DERA: variants seen among roughly 807,000 people sequenced by gnomAD.
DERA encodes the protein 2-deoxy-D-ribose 5-phosphate aldolase.
Under a neutral mutation model 41.1 loss-of-function variants are expected in DERA, and 15 were observed. That is an observed-to-expected ratio of 0.37 (90% CI 0.24 to 0.56). The LOEUF (loss-of-function observed/expected upper bound fraction) is 0.56. DERA is among the 20% of genes least tolerant of loss of function. DERA has a pLI of 0.81. For missense variants in DERA, 396 were observed against 403.4 expected (o/e 0.98, Z 0.16); for synonymous variants, 139 against 137.4 (o/e 1.01, Z -0.08).
Position 16,037,068 on chromosome 12 carries a change from A to C in DERA, c.*322A>C. 1 of 254,808 alleles carries C rather than the reference A, an allele frequency of 3.9e-6. No individual in the cohort carries two copies. The highest frequency in any genetic ancestry group is 7.4e-6 in the Non-Finnish European group (1 of 135,208). The allele number at this position is 254,808 out of a possible 1,614,324, so 15.8% of individuals were successfully genotyped here. On this transcript the variant is annotated 3_prime_UTR_variant, in exon 9 of 9. Coordinates refer to ENST00000428559, the MANE Select transcript of DERA (RefSeq NM_015954.4). This position sits in a 1 kb window ranked among gnomAD's most constrained non-coding sequence, Gnocchi z 6.7. ...CTAAGGGAGAAAAAAACAATATTAA[A>C]CCGCCCAAGCAGTGTGCCCTAGCAG...
At position 16,014,725 on chromosome 12, in the gene DERA, C is replaced by T. The variant is rs531449130; in HGVS notation, c.638-17817C>T. ...AAGAGGGCAACCGTCCTCCAGACCC[C>T]AGAATGGTAGATCCACCAACAGCTT... is the stretch of plus-strand genomic sequence containing the variant. On this transcript the variant is annotated intron_variant, in intron 6 of 8. Coordinates refer to ENST00000428559, the MANE Select transcript of DERA (RefSeq NM_015954.4). This position sits in a 1 kb window ranked among gnomAD's most constrained non-coding sequence, Gnocchi z 5.4. Among the ~76,000 whole-genome samples, 1 of 152,282 alleles carries T rather than the reference C, an allele frequency of 6.6e-6. No individual in the cohort carries two copies. The highest frequency in any genetic ancestry group is 2.4e-5 in the African/African-American group (1 of 41,570).
At chr12:15,946,689 T>G (rs1246779992) in intron 1 of DERA, among the ~76,000 whole-genome samples, 2 of 152,158 alleles carry the variant, frequency 1.3e-5, no homozygotes, top group Admixed American at 1.3e-4. Context: ...CCTGGATTCA[T>G]TGATTTTTCG....
intron 1 of DERA, among the ~76,000 whole-genome samples, chr12:15,948,496 C>A (rs916523382): frequency 6.6e-6 from 1 of 152,220 alleles, no homozygotes; most frequent in South Asian, 2.1e-4. Context: ...GAATCAGCTA[C>A]TGAAGCTTGT....
chr12:15,920,888 A>G (rs1322714367), intron 1 of DERA, among the ~76,000 whole-genome samples: 1 of 152,190 alleles, frequency 6.6e-6, no homozygotes, highest in Non-Finnish European at 1.5e-5. Context: ...ATGGGGAGAA[A>G]GCCCATGAGT....
At chr12:16,005,359 T>C (rs1948902010) in intron 6 of DERA, among the ~76,000 whole-genome samples, 1 of 152,106 alleles carries the variant, frequency 6.6e-6, no homozygotes, top group South Asian at 2.1e-4. Flanking sequence ...GATGGGAGGA[T>C]TACTTGAGTC....
At position 15,959,259 on chromosome 12, in the gene DERA, A is replaced by G. The variant is rs1364082468; in HGVS notation, c.278-570A>G. Among the ~76,000 whole-genome samples, 1 of 152,058 alleles carries G rather than the reference A, an allele frequency of 6.6e-6. No individual in the cohort carries two copies. The stretch of plus-strand genomic sequence containing the variant: ...TAACAACTTGATGTAAGGTCTTATG[A>G]TATTGCTTTGTTTTATAGTGACTAT... On this transcript the variant is annotated intron_variant, in intron 3 of 8. Transcript: ENST00000428559. The surrounding 1 kb of genome is among the most constrained non-coding windows in gnomAD (Gnocchi z 4.5).
chr12:15,934,291 G>A (rs1486933108), intron 1 of DERA, among the ~76,000 whole-genome samples: 1 of 152,118 alleles, frequency 6.6e-6, no homozygotes, highest in African/African-American at 2.4e-5. Flanking sequence ...TGTGCTGTTA[G>A]AAGTTTTACA....
At position 15,940,476 on chromosome 12, in the gene DERA, C is replaced by T. The variant is rs189226442; in HGVS notation, c.32-16460C>T. 1.4e-4 allele frequency among the ~76,000 whole-genome samples: 22 copies of T among 152,204 alleles called. No homozygotes were observed. Among genetic ancestry groups the T allele is most frequent in the East Asian group, 7.7e-4 (4 of 5,180 alleles). The stretch of plus-strand genomic sequence containing the variant: ...AAACGATTCTTCTGCCTCAGCCTCT[C>T]GAGTAGCTGGGACTACAGGCGCATG... On this transcript the variant is annotated intron_variant, in intron 1 of 8. Coordinates refer to ENST00000428559, the MANE Select transcript of DERA (RefSeq NM_015954.4). The surrounding 1 kb of genome is among the most constrained non-coding windows in gnomAD (Gnocchi z 5.1).
intron 1 of DERA, among the ~76,000 whole-genome samples, chr12:15,948,216 G>A (rs1470266887): frequency 9.2e-5 from 14 of 152,074 alleles, no homozygotes; most frequent in African/African-American, 1.7e-4. Flanking sequence ...TCTTTGTGGC[G>A]TTCTCTGTAT....
intron 6 of DERA, among the ~76,000 whole-genome samples, chr12:16,024,747 A>G (rs572427590): frequency 6.6e-6 from 1 of 152,332 alleles, no homozygotes; most frequent in Admixed American, 6.5e-5. Context: ...GAAAACTTAT[A>G]TAGATCAGAA....
intron 6 of DERA, among the ~76,000 whole-genome samples, chr12:15,991,784 TAGTC>T (rs1948803987): frequency 6.6e-6 from 1 of 152,142 alleles, no homozygotes; most frequent in African/African-American, 2.4e-5. Context: ...ATTAGAATAT[TAGTC>T]AGAAAGATCT....
rs1948778769 is a variant in DERA, at chr12:15,988,287, C to A, written c.637+5851C>A. On this transcript the variant is annotated intron_variant, in intron 6 of 8. Coordinates refer to ENST00000428559, the MANE Select transcript of DERA (RefSeq NM_015954.4). This position sits in a 1 kb window ranked among gnomAD's most constrained non-coding sequence, Gnocchi z 6.0. ...CTTTCAGTCCCGCCATTTGGTGGGT[C>A]CTGAGTTCTTGTCCTGTGTCCAGGA... 6.6e-6 allele frequency among the ~76,000 whole-genome samples: 1 copy of A among 152,142 alleles called. No individual in the cohort carries two copies. The highest frequency in any genetic ancestry group is 1.5e-5 in the Non-Finnish European group (1 of 68,036).
At position 15,988,227 on chromosome 12, in the gene DERA, C is replaced by CG. The variant is rs1565606351; in HGVS notation, c.637+5796dup. On this transcript the variant is annotated intron_variant, in intron 6 of 8. Coordinates refer to ENST00000428559, the MANE Select transcript of DERA (RefSeq NM_015954.4). This position sits in a 1 kb window ranked among gnomAD's most constrained non-coding sequence, Gnocchi z 6.0. The stretch of plus-strand genomic sequence containing the variant: ...TCTCGTTACCTGCAATGTGGTGAGT[C>CG]GGGGGCATGTTTTAGCCCTGTTTGT... Among the ~76,000 whole-genome samples, 3 of 152,118 alleles carry CG rather than the reference C, an allele frequency of 2.0e-5. No homozygotes were observed.
chr12:15,913,580 T>TA lies in DERA; in HGVS notation c.31+2167dup. Among the ~76,000 whole-genome samples, 1 of 152,302 alleles carries TA rather than the reference T, an allele frequency of 6.6e-6. No individual in the cohort carries two copies. Among genetic ancestry groups the TA allele is most frequent in the East Asian group, 1.9e-4 (1 of 5,192 alleles). Reference sequence around the variant, plus strand: ...TGGTTATTGTAAAAATTCTAGAAAATACAGTTAGCACAAAAATGTTGTAAT... The same window carrying TA: ...TGGTTATTGTAAAAATTCTAGAAAATAACAGTTAGCACAAAAATGTTGTAAT... On this transcript the variant is annotated intron_variant, in intron 1 of 8. Transcript: ENST00000428559. This position sits in a 1 kb window ranked among gnomAD's most constrained non-coding sequence, Gnocchi z 4.5.
At chr12:15,945,108 T>A (rs2136138610) in intron 1 of DERA, among the ~76,000 whole-genome samples, 1 of 152,344 alleles carries the variant, frequency 6.6e-6, no homozygotes. Context: ...TTGGTACCAG[T>A]ACCATGCTGT....
rs1352598604 is a variant in DERA, at chr12:15,938,139, G to A, written c.32-18797G>A. The stretch of plus-strand genomic sequence containing the variant: ...AGAGTTGTAATATTGATCTGTTAAG[G>A]TTCAGTGGAGCCCAGAGGAAGACTT... On this transcript the variant is annotated intron_variant, in intron 1 of 8. Coordinates refer to ENST00000428559, the MANE Select transcript of DERA (RefSeq NM_015954.4). This position sits in a 1 kb window ranked among gnomAD's most constrained non-coding sequence, Gnocchi z 4.1. 2.6e-5 allele frequency among the ~76,000 whole-genome samples: 4 copies of A among 152,094 alleles called. No homozygotes were observed.
In DERA at chr12:15,918,639, T is replaced by C. The variant is rs539289252; in HGVS notation, c.31+7225T>C. Among the ~76,000 whole-genome samples the C allele has an allele frequency of 5.9e-5, 9 of 152,374 alleles. No individual in the cohort carries two copies. In the East Asian group the frequency reaches 1.7e-3, roughly 29 times the overall value. On this transcript the variant is annotated intron_variant, in intron 1 of 8. Transcript: ENST00000428559. This position sits in a 1 kb window ranked among gnomAD's most constrained non-coding sequence, Gnocchi z 4.3. ...GCCTGCTGTTCCTGGCACTTGTTACTTGCTGCTCATGGTCATGGCAGGGAT... is the reference window on the plus strand; with the variant it reads ...GCCTGCTGTTCCTGGCACTTGTTACCTGCTGCTCATGGTCATGGCAGGGAT...
Position 15,958,299 on chromosome 12 carries a change from G to A in DERA, c.241G>A (p.Glu81Lys), listed in dbSNP as rs1237539807. 1 of 1,604,258 alleles carries A rather than the reference G, an allele frequency of 6.2e-7. No individual in the cohort carries two copies. Among genetic ancestry groups the A allele is most frequent in the East Asian group, 2.2e-5 (1 of 44,680 alleles). The change falls in exon 3 of 9, where the codon GAA becomes AAA. Residue 81 changes from glutamate (E) to lysine (K), a missense_variant. Glu to Lys is a moderately conservative substitution (Grantham distance 56, BLOSUM62 1). Coordinates refer to ENST00000428559, the MANE Select transcript of DERA (RefSeq NM_015954.4). Reference protein sequence around the residue: ...LCYKAKYPIREDLLKALNMHD... With the variant: ...LCYKAKYPIRKDLLKALNMHD... ...TTATAAAGCCAAATACCCAATCCGG[G>A]AAGATCTCTTAAAAGCTTTAAATAT...
chr12:15,969,392 G>A (rs1948645033), intron 5 of DERA, among the ~76,000 whole-genome samples: 1 of 152,192 alleles, frequency 6.6e-6, no homozygotes. Flanking sequence ...ACCTGGAGCT[G>A]GCTTTACTAG....
Sources: allele counts gnomAD v4.1 joint callset (sites outside exome capture counted in the v4.1 genomes callset), GRCh38; gene constraint gnomAD v4.1.1; non-coding constraint Gnocchi (gnomAD v3.1); transcripts MANE v1.5; gene names NCBI Gene and HGNC (gene_info 2026-07-23, HGNC 2026-07-21).